Variants in C19orf81 observed in about 807,000 individuals in gnomAD.
C19orf81 encodes the protein chromosome 19 open reading frame 81.
In C19orf81, 19 loss-of-function variants were observed where a neutral mutation model predicts 22.1. The observed-to-expected ratio is 0.86, with a 90% CI of 0.60 to 1.26. The LOEUF (loss-of-function observed/expected upper bound fraction) is 1.26, where lower values mean the gene tolerates loss of function less well. Among genes scored for constraint, C19orf81 ranks in the 50% most tolerant of loss-of-function variants. C19orf81 has a pLI of 0.00. For synonymous variants in C19orf81, 108 were observed against 113.1 expected, an observed-to-expected ratio of 0.95 and a Z score of 0.29; for missense variants, 287 against 280.7, an observed-to-expected ratio of 1.02 and a Z score of -0.16.
chr19:50,649,905 C>T, intron 1 of C19orf81: 1 of 452,760 alleles, frequency 2.2e-6, no homozygotes, highest in Admixed American at 2.4e-5. Context: ...AACCCAGTCA[C>T]TGGTGCCATC....
In C19orf81 at chr19:50,652,966, TTCA is replaced by T. The variant is rs760819772; in HGVS notation, c.68-3079_68-3077del. On this transcript the variant is annotated intron_variant, in intron 1 of 4. Transcript: ENST00000425202. ...TCACTTAACCTCTCTGTGCTTCTGT[TTCA>T]TCATGTGTTAAACAACACTACCTCG... Among the ~76,000 whole-genome samples, 17 of 152,320 alleles carry T rather than the reference TTCA, an allele frequency of 1.1e-4. 1 individual carries two copies. Among genetic ancestry groups the T allele is most frequent in the Admixed American group, 2.0e-4 (3 of 15,298 alleles).
At chr19:50,658,212 G>C in intron 4 of C19orf81, 84 bp downstream of exon 4, 2 of 1,357,602 alleles carry the variant, frequency 1.5e-6, no homozygotes, top group South Asian at 2.8e-5. Flanking sequence ...GTTGGTTTTA[G>C]AGCGCTGAGG....
chr19:50,654,957 G>T (rs1984961891), intron 1 of C19orf81, among the ~76,000 whole-genome samples: 1 of 152,180 alleles, frequency 6.6e-6, no homozygotes, highest in Non-Finnish European at 1.5e-5. Flanking sequence ...CCATACTGTT[G>T]CTTGCCATAT....
At chr19:50,655,255 G>A (rs1984968294) in intron 1 of C19orf81, among the ~76,000 whole-genome samples, 1 of 152,154 alleles carries the variant, frequency 6.6e-6, no homozygotes, top group Admixed American at 6.5e-5. Flanking sequence ...CCATAAGAGA[G>A]AGACCAGTTA....
chr19:50,658,233 A>G lies in C19orf81; in HGVS notation c.401+105A>G, dbSNP rs1599830613. The G allele has an allele frequency of 5.0e-6, 6 of 1,211,054 alleles. No individual in the cohort carries two copies. The East Asian group carries it at 1.3e-4, about 26-fold the overall frequency. The allele number at this position is 1,211,054 out of a possible 1,614,324, so 75.0% of individuals were successfully genotyped here. ...TTTAGAGCGCTGAGGGACGTGGCCA[A>G]GAGTGAAAGCATGAATGGGCGGGGC... On this transcript the variant is annotated intron_variant, in intron 4 of 4. Transcript: ENST00000425202.
chr19:50,659,270 C>T lies in C19orf81; in HGVS notation c.*128C>T. On this transcript the variant is annotated 3_prime_UTR_variant, in exon 5 of 5. Transcript: ENST00000425202. ...CGGGGCCGGCTCGAGGGGGTGGATA[C>T]TGTGAGTTTAATTATAAAGAATGAC... The T allele has an allele frequency of 1.4e-6, 1 of 712,310 alleles. No homozygotes were observed. The highest frequency in any genetic ancestry group is 2.0e-6 in the Non-Finnish European group (1 of 508,702). 44.1% of individuals were successfully genotyped at this position (712,310 alleles called of 1,614,324 possible).
At chr19:50,655,595 G>A (rs1303804702) in intron 1 of C19orf81, among the ~76,000 whole-genome samples, 1 of 151,846 alleles carries the variant, frequency 6.6e-6, no homozygotes, top group Non-Finnish European at 1.5e-5. Flanking sequence ...CTTGCAGTGA[G>A]CCGAGATTGC....
intron 3 of C19orf81, 135 bp from the exon 4 acceptor site, chr19:50,657,852 TTA>T: frequency 8.6e-7 from 1 of 1,159,412 alleles, no homozygotes; most frequent in Non-Finnish European, 1.2e-6. Flanking sequence ...TACCCTGGGA[TTA>T]AGAGCGATCC....
chr19:50,657,878 G>A (rs1985030532), intron 3 of C19orf81, 111 bp from the exon 4 acceptor site: 3 of 1,372,478 alleles, frequency 2.2e-6, no homozygotes, highest in South Asian at 1.6e-5. Flanking sequence ...CCCCTCAAAT[G>A]CCACCTGGAA....
chr19:50,651,522 C>A (rs1381685664), intron 1 of C19orf81, among the ~76,000 whole-genome samples: 1 of 152,102 alleles, frequency 6.6e-6, no homozygotes, highest in Non-Finnish European at 1.5e-5. Flanking sequence ...TCATTCATCT[C>A]TTGGTCCCCA....
Position 50,654,284 on chromosome 19 carries a change from C to T in C19orf81, c.68-1766C>T, listed in dbSNP as rs1007664550. On this transcript the variant is annotated intron_variant, in intron 1 of 4. Coordinates refer to ENST00000425202, the MANE Select transcript of C19orf81 (RefSeq NM_001195076.2). ...CTTTCTCCTTCTTCCCTCCCTCCATCTCTCTCTTTTCTTTCTCTCCCTCTC... is the reference window on the plus strand; with the variant it reads ...CTTTCTCCTTCTTCCCTCCCTCCATTTCTCTCTTTTCTTTCTCTCCCTCTC... Among the ~76,000 whole-genome samples, 4 of 151,908 alleles carry T rather than the reference C, an allele frequency of 2.6e-5. No individual in the cohort carries two copies. The East Asian group carries it at 7.8e-4, about 30-fold the overall frequency.
intron 1 of C19orf81, among the ~76,000 whole-genome samples, chr19:50,651,243 T>C (rs1984872934): frequency 6.6e-6 from 1 of 152,238 alleles, no homozygotes; most frequent in African/African-American, 2.4e-5. Context: ...AAGGGAATTC[T>C]GGGAAGTTCT....
In C19orf81 at chr19:50,656,220, C is replaced by T; in HGVS notation, c.141-6C>T. ...AGAGGTCCCTGCCTGTTCGCTCTCT[C>T]CCTAGAAAGCAGTACCTGCGGCAGG... On this transcript the variant is annotated splice_polypyrimidine_tract_variant and splice_region_variant and intron_variant, in intron 2 of 4. Coordinates refer to ENST00000425202, the MANE Select transcript of C19orf81 (RefSeq NM_001195076.2). 6.5e-7 allele frequency: 1 copy of T among 1,536,050 alleles called. No individual in the cohort carries two copies. Among genetic ancestry groups the T allele is most frequent in the Non-Finnish European group, 8.7e-7 (1 of 1,146,824 alleles).
At chr19:50,652,621 G>A (rs1984900994) in intron 1 of C19orf81, among the ~76,000 whole-genome samples, 1 of 152,170 alleles carries the variant, frequency 6.6e-6, no homozygotes, top group Non-Finnish European at 1.5e-5. Flanking sequence ...TGAAAAGGAC[G>A]ATTGTGCTTG....
chr19:50,651,169 C>T (rs1984871194), intron 1 of C19orf81, among the ~76,000 whole-genome samples: 1 of 152,148 alleles, frequency 6.6e-6, no homozygotes, highest in African/African-American at 2.4e-5. Context: ...AGACGTGAAA[C>T]ACGCCATCTC....
In C19orf81 at chr19:50,656,032, T is replaced by C; in HGVS notation, c.68-18T>C. ...GAGGAGGGCTCAGGGCAGCTGACAC[T>C]GGGTTCTCTGTCCTCAGGAGCCCTC... On this transcript the variant is annotated intron_variant, in intron 1 of 4. Coordinates refer to ENST00000425202, the MANE Select transcript of C19orf81 (RefSeq NM_001195076.2). 6.5e-7 allele frequency: 1 copy of C among 1,535,824 alleles called. No individual in the cohort carries two copies. The highest frequency in any genetic ancestry group is 8.7e-7 in the Non-Finnish European group (1 of 1,146,672).
At chr19:50,658,819 G>A in intron 4 of C19orf81, 128 bp from the exon 5 acceptor site, 5 of 825,310 alleles carry the variant, frequency 6.1e-6, no homozygotes, top group Non-Finnish European at 8.5e-6. Context: ...GGAGTTTAGG[G>A]ACGGAGCGAT....
rs1487569440 is a variant in C19orf81 at position 50,658,045 on chromosome 19, A to AG, written c.322dup (p.Ala108GlyfsTer13). The AG allele has an allele frequency of 1.7e-5, 26 of 1,535,884 alleles. No individual in the cohort carries two copies. Among genetic ancestry groups the AG allele is most frequent in the Admixed American group, 2.0e-5 (1 of 50,954 alleles). ...TGCAAGCCCTGGAGGCCCAGTTACCAGGGGCCATGGAGAGCGGGCGCGTGA... is the reference window on the plus strand; with the variant it reads ...TGCAAGCCCTGGAGGCCCAGTTACCAGGGGGCCATGGAGAGCGGGCGCGTGA... On this transcript the variant is annotated frameshift_variant, in exon 4 of 5. Transcript: ENST00000425202. LOFTEE classifies it high-confidence loss of function.
Position 50,656,049 on chromosome 19 carries a change from G to A in C19orf81, c.68-1G>A, listed in dbSNP as rs1261201485. 1.3e-6 allele frequency: 2 copies of A among 1,535,978 alleles called. No homozygotes were observed. Among genetic ancestry groups the A allele is most frequent in the South Asian group, 2.4e-5 (2 of 84,060 alleles). On this transcript the variant is annotated splice_acceptor_variant, in intron 1 of 4. Coordinates refer to ENST00000425202, the MANE Select transcript of C19orf81 (RefSeq NM_001195076.2). LOFTEE classifies it high-confidence loss of function. ...GCTGACACTGGGTTCTCTGTCCTCA[G>A]GAGCCCTCCTTATGGACCTGGAGAC...
Sources: gnomAD v4.1 joint callset for allele counts (sites outside exome capture counted in the v4.1 genomes callset) on GRCh38, gnomAD v4.1.1 for gene constraint, MANE v1.5 for transcripts, NCBI Gene and HGNC (gene_info 2026-07-23, HGNC 2026-07-21) for gene names.